SLC27A2: variants seen among roughly 807,000 people sequenced by gnomAD.
SLC27A2 encodes long-chain fatty acid transport protein 2.
Under a neutral mutation model 60.0 loss-of-function variants are expected in SLC27A2, and 54 were observed. The observed-to-expected ratio is 0.90, with a 90% CI of 0.72 to 1.13. The LOEUF (loss-of-function observed/expected upper bound fraction) is 1.13. SLC27A2 is among the 50% of genes most tolerant of loss of function. The pLI is 0.00. For missense variants in SLC27A2, 739 were observed against 777.6 expected, an observed-to-expected ratio of 0.95 and a Z score of 0.59; for synonymous variants, 297 against 297.6, an observed-to-expected ratio of 1.00 and a Z score of 0.02.
chr15:50,217,798 G>A (rs1431233922), intron 4 of SLC27A2, among the ~76,000 whole-genome samples: 1 of 152,300 alleles, frequency 6.6e-6, no homozygotes. Context: ...GCTCACGCCT[G>A]TAATCCCAGC....
intron 1 of SLC27A2, among the ~76,000 whole-genome samples, chr15:50,195,456 A>T (rs1200206014): frequency 6.6e-6 from 1 of 152,036 alleles, no homozygotes; most frequent in Non-Finnish European, 1.5e-5. Context: ...GCGCCACTGC[A>T]CTCCAGCCTG....
intron 4 of SLC27A2, among the ~76,000 whole-genome samples, chr15:50,218,625 G>A (rs1320617450): frequency 2.0e-5 from 3 of 152,070 alleles, no homozygotes; most frequent in Non-Finnish European, 2.9e-5. Context: ...TGCCCATCTA[G>A]AATTCTATAT....
At chr15:50,204,830 T>C (rs961466351) in intron 3 of SLC27A2, among the ~76,000 whole-genome samples, 1 of 146,440 alleles carries the variant, frequency 6.8e-6, no homozygotes, top group Admixed American at 6.8e-5. Flanking sequence ...AATATATATG[T>C]ATGTGTGTGT....
chr15:50,218,477 T>C (rs2045218834), intron 4 of SLC27A2, among the ~76,000 whole-genome samples: 1 of 152,038 alleles, frequency 6.6e-6, no homozygotes, highest in Non-Finnish European at 1.5e-5. Context: ...CCAATAAAAT[T>C]AGTGCAGGAA....
intron 2 of SLC27A2, among the ~76,000 whole-genome samples, chr15:50,202,232 T>A (rs1292526733): frequency 6.6e-6 from 1 of 152,222 alleles, no homozygotes; most frequent in African/African-American, 2.4e-5. Flanking sequence ...CATTTATGTA[T>A]GTGTATGGCT....
intron 1 of SLC27A2, among the ~76,000 whole-genome samples, chr15:50,192,809 A>T (rs570441185): frequency 3.2e-4 from 48 of 151,442 alleles, no homozygotes; most frequent in African/African-American, 1.1e-3. Flanking sequence ...AAAGAAGAAG[A>T]AGTACAGAAA....
intron 1 of SLC27A2, among the ~76,000 whole-genome samples, chr15:50,187,683 G>A (rs1290756463): frequency 6.6e-6 from 1 of 152,140 alleles, no homozygotes; most frequent in Non-Finnish European, 1.5e-5. Context: ...CTGAGTCCCA[G>A]GTAAGTTATA....
intron 8 of SLC27A2, 88 bp downstream of exon 8, chr15:50,229,130 C>G (rs191941217): frequency 1.1e-5 from 9 of 816,222 alleles, no homozygotes; most frequent in South Asian, 7.7e-5. Context: ...TGCTTTCTCC[C>G]GCCATCCAGA....
chr15:50,205,226 G>A lies in SLC27A2; in HGVS notation c.848-13G>A. 1 of 1,592,504 alleles carries A rather than the reference G, an allele frequency of 6.3e-7. No homozygotes were observed. Among genetic ancestry groups the A allele is most frequent in the Non-Finnish European group, 8.6e-7 (1 of 1,165,866 alleles). On this transcript the variant is annotated splice_polypyrimidine_tract_variant and intron_variant, in intron 3 of 9. Transcript: ENST00000267842. ...CCATTTCTTTCTTGACACTTTCTGT[G>A]CTTTCTCTGTAGGTGCTACTCTTGC... is the stretch of plus-strand genomic sequence containing the variant.
intron 4 of SLC27A2, among the ~76,000 whole-genome samples, chr15:50,209,510 C>T (rs1314760891): frequency 6.6e-6 from 1 of 152,098 alleles, no homozygotes; most frequent in Admixed American, 6.5e-5. Flanking sequence ...GGACCCAGCA[C>T]ACTGGGAACT....
At chr15:50,204,215 A>T (rs1464642353) in intron 3 of SLC27A2, among the ~76,000 whole-genome samples, 7 of 152,220 alleles carry the variant, frequency 4.6e-5, no homozygotes, top group Admixed American at 2.0e-4. Context: ...CTGTAATCCC[A>T]GCACTTTGGG....
At chr15:50,228,389 AAAAAAAAAAAG>A (rs903518172) in intron 7 of SLC27A2, among the ~76,000 whole-genome samples, 9 of 149,170 alleles carry the variant, frequency 6.0e-5, no homozygotes, top group African/African-American at 2.2e-4. Context: ...AAAAAAAAAA[AAAAAAAAAAAG>A]AATTTTTAAT....
chr15:50,188,210 T>C (rs1344603785), intron 1 of SLC27A2, among the ~76,000 whole-genome samples: 1 of 152,050 alleles, frequency 6.6e-6, no homozygotes, highest in Non-Finnish European at 1.5e-5. Context: ...GCACTGACTA[T>C]TGAGCTGAAC....
At chr15:50,214,445 A>G (rs1003604851) in intron 4 of SLC27A2, among the ~76,000 whole-genome samples, 1 of 152,094 alleles carries the variant, frequency 6.6e-6, no homozygotes, top group Non-Finnish European at 1.5e-5. Flanking sequence ...TAGAGAAAGA[A>G]GGAACCCTCC....
chr15:50,197,411 GAAAAT>G lies in SLC27A2; in HGVS notation c.479-83_479-79del. The G allele has an allele frequency of 7.9e-6, 8 of 1,016,328 alleles. No homozygotes were observed. In the East Asian group the frequency reaches 1.3e-4, roughly 16 times the overall value. 63.0% of individuals were successfully genotyped at this position (1,016,328 alleles called of 1,614,324 possible). A position where few individuals can be genotyped will look rare whatever the true frequency, so the allele number is the denominator to read the frequency against. On this transcript the variant is annotated intron_variant, in intron 1 of 9. Coordinates refer to ENST00000267842, the MANE Select transcript of SLC27A2 (RefSeq NM_003645.4). ...ACACATTTAAGCAAAAAATTATGCTGAAAATAAAATTATGATGCTTGTTGAAGCAC... is the reference window on the plus strand; with the variant it reads ...ACACATTTAAGCAAAAAATTATGCTGAAAATTATGATGCTTGTTGAAGCAC...
At chr15:50,211,483 C>T (rs1221336552) in intron 4 of SLC27A2, among the ~76,000 whole-genome samples, 1 of 152,114 alleles carries the variant, frequency 6.6e-6, no homozygotes. Flanking sequence ...GAACAACACC[C>T]TTCAGCCCTA....
At chr15:50,214,490 A>G (rs12914727) in intron 4 of SLC27A2, among the ~76,000 whole-genome samples, 38,711 of 151,980 alleles carry the variant, frequency 0.25, 6,036 homozygotes, top group Non-Finnish European at 0.36. Flanking sequence ...TCACCCTAAT[A>G]CCAAAACCAG....
intron 1 of SLC27A2, among the ~76,000 whole-genome samples, chr15:50,191,507 C>A (rs1209054039): frequency 6.6e-6 from 1 of 152,150 alleles, no homozygotes; most frequent in Admixed American, 6.5e-5. Flanking sequence ...TCCAGAGTCC[C>A]CTTAGGATTA....
Position 50,205,223 on chromosome 15 carries a change from T to A in SLC27A2, c.848-16T>A, listed in dbSNP as rs1482064140. 6.3e-7 allele frequency: 1 copy of A among 1,591,486 alleles called. No homozygotes were observed. The highest frequency in any genetic ancestry group is 8.6e-7 in the Non-Finnish European group (1 of 1,165,114). On this transcript the variant is annotated splice_polypyrimidine_tract_variant and intron_variant, in intron 3 of 9. Transcript: ENST00000267842. ...CCACCATTTCTTTCTTGACACTTTC[T>A]GTGCTTTCTCTGTAGGTGCTACTCT...
Sources: gnomAD v4.1 joint callset for allele counts (sites outside exome capture counted in the v4.1 genomes callset) on GRCh38, gnomAD v4.1.1 for gene constraint, MANE v1.5 for transcripts, NCBI Gene and HGNC (gene_info 2026-07-23, HGNC 2026-07-21) for gene names.